Variants in ZC3H13 observed in about 807,000 individuals in gnomAD.
The protein encoded by ZC3H13 is zinc finger CCCH domain-containing protein 13.
In ZC3H13, 64 loss-of-function variants were observed where a neutral mutation model predicts 204.1. That is an observed-to-expected ratio of 0.31 (90% confidence interval 0.26 to 0.39). ZC3H13 has a LOEUF of 0.39. ZC3H13 is among the 10% of genes least tolerant of loss of function. The probability of loss-of-function intolerance (pLI) is 1.00; values close to 1 mark genes in which losing one functional copy is unlikely to be tolerated. For missense variants in ZC3H13, 1,833 were observed against 2,082.7 expected (o/e 0.88, Z 2.33); for synonymous variants, 667 against 693.7 (o/e 0.96, Z 0.60).
chr13:46,023,383 T>C (rs1004190388), intron 4 of ZC3H13, among the ~76,000 whole-genome samples: 1 of 152,190 alleles, frequency 6.6e-6, no homozygotes, highest in African/African-American at 2.4e-5. Flanking sequence ...CTACAATTTC[T>C]ACTGATTGGG....
Position 45,959,651 on chromosome 13 carries a change from C to G in ZC3H13, c.4676-5G>C, listed in dbSNP as rs1951532708. Reference sequence around the variant, plus strand: ...GTTCAAAGAGATTGTCTGCATCTTTCAAAAAAAAGTAAACATGCATTAAGT... The same window carrying G: ...GTTCAAAGAGATTGTCTGCATCTTTGAAAAAAAAGTAAACATGCATTAAGT... On this transcript the variant is annotated splice_region_variant and splice_polypyrimidine_tract_variant and intron_variant, in intron 17 of 18. Coordinates refer to ENST00000679008, the MANE Select transcript of ZC3H13 (RefSeq NM_001330564.2). 1 of 1,491,348 alleles carries G rather than the reference C, an allele frequency of 6.7e-7. No homozygotes were observed. The highest frequency in any genetic ancestry group is 1.4e-5 in the African/African-American group (1 of 69,196). The allele number at this position is 1,491,348 out of a possible 1,614,324, so 92.4% of individuals were successfully genotyped here. A position where few individuals can be genotyped will look rare whatever the true frequency, so the allele number is the denominator to read the frequency against.
At chr13:46,008,636 C>G (rs2041326005) in intron 7 of ZC3H13, among the ~76,000 whole-genome samples, 1 of 151,950 alleles carries the variant, frequency 6.6e-6, no homozygotes, top group Non-Finnish European at 1.5e-5. Flanking sequence ...ATAAACAGAA[C>G]AGATAAGACA....
At chr13:46,046,122 AAAAAC>A (rs998427874) in intron 1 of ZC3H13, among the ~76,000 whole-genome samples, 12 of 152,176 alleles carry the variant, frequency 7.9e-5, no homozygotes, top group Admixed American at 5.9e-4. Context: ...CCAGTAACAC[AAAAAC>A]AAAACAAAAC....
At chr13:46,039,385 C>A (rs1243928770) in intron 4 of ZC3H13, among the ~76,000 whole-genome samples, 8 of 152,152 alleles carry the variant, frequency 5.3e-5, no homozygotes, top group African/African-American at 1.9e-4. Context: ...AAGCTAAGTG[C>A]CATTTCAATA....
intron 1 of ZC3H13, among the ~76,000 whole-genome samples, chr13:46,048,886 T>C (rs1341752301): frequency 3.9e-5 from 6 of 151,958 alleles, no homozygotes; most frequent in Non-Finnish European, 7.4e-5. Flanking sequence ...ATCCCAGCAC[T>C]TTGGGAGGCC....
chr13:46,008,319 CAA>C (rs5803322), intron 7 of ZC3H13, among the ~76,000 whole-genome samples: 116 of 143,876 alleles, frequency 8.1e-4, no homozygotes, highest in East Asian at 8.0e-4. Context: ...TGTTATACTC[CAA>C]AAAAAAAAAA....
At position 45,969,419 on chromosome 13, in the gene ZC3H13, A is replaced by G. The variant is rs1335921618; in HGVS notation, c.3125T>C (p.Leu1042Ser). 2 of 1,613,926 alleles carry G rather than the reference A, an allele frequency of 1.2e-6. No individual in the cohort carries two copies. Among genetic ancestry groups the G allele is most frequent in the East Asian group, 4.5e-5 (2 of 44,862 alleles). The change falls in exon 14 of 19, where the codon TTG (leucine) becomes TCG (serine). Residue 1042 changes from leucine (L) to serine (S), a missense_variant. Around this residue, in one of 5 missense-constraint regions of ZC3H13, gnomAD observed 1,574 missense variants for 1,757.2 expected, o/e 0.90. Transcript: ENST00000679008. ...ATTCTTACCATTGCACATTTCAACC[A>G]ATTCCTCTTTAGTTGTTATAGGGGG... is the stretch of plus-strand genomic sequence containing the variant. ...RTPPITTKEE[L>S]VEMCNGKNGI...
intron 4 of ZC3H13, among the ~76,000 whole-genome samples, chr13:46,037,474 T>C (rs1214982879): frequency 2.0e-5 from 3 of 152,226 alleles, no homozygotes; most frequent in African/African-American, 7.2e-5. Context: ...ATATTCTTCC[T>C]GACTATATTT....
At chr13:46,033,913 T>C (rs1025494847) in intron 4 of ZC3H13, among the ~76,000 whole-genome samples, 16 of 152,166 alleles carry the variant, frequency 1.1e-4, no homozygotes, top group African/African-American at 3.6e-4. Flanking sequence ...GTATTTGCAA[T>C]ACATATATCT....
At chr13:45,985,226 A>G in intron 10 of ZC3H13, 71 bp downstream of exon 10, 2 of 1,367,914 alleles carry the variant, frequency 1.5e-6, no homozygotes, top group East Asian at 2.4e-5. Context: ...AAGAAACAAC[A>G]TATTAGAAAT....
At chr13:45,992,894 T>C (rs2040064796) in intron 8 of ZC3H13, among the ~76,000 whole-genome samples, 1 of 152,154 alleles carries the variant, frequency 6.6e-6, no homozygotes, top group Non-Finnish European at 1.5e-5. Context: ...GGAGGCAGCT[T>C]TCTACCTCTC....
chr13:46,007,913 T>C (rs1566269257), intron 7 of ZC3H13, among the ~76,000 whole-genome samples: 1 of 152,188 alleles, frequency 6.6e-6, no homozygotes, highest in Non-Finnish European at 1.5e-5. Context: ...TAATAAAAAC[T>C]AAGATTAAAA....
intron 4 of ZC3H13, among the ~76,000 whole-genome samples, chr13:46,029,440 T>C (rs1237386366): frequency 2.7e-5 from 4 of 150,368 alleles, no homozygotes; most frequent in Non-Finnish European, 5.9e-5. Flanking sequence ...TTTTTTTTTT[T>C]TTTTTTGAGA....
At chr13:45,980,556 T>C (rs1455228195) in intron 10 of ZC3H13, among the ~76,000 whole-genome samples, 1 of 152,206 alleles carries the variant, frequency 6.6e-6, no homozygotes, top group East Asian at 1.9e-4. Context: ...TTAAACAAAC[T>C]GTGGCACATG....
At chr13:45,990,321 A>C (rs1318141324) in intron 8 of ZC3H13, among the ~76,000 whole-genome samples, 1 of 152,206 alleles carries the variant, frequency 6.6e-6, no homozygotes, top group Non-Finnish European at 1.5e-5. Context: ...TGTTGTTTAT[A>C]AATGATGCCT....
intron 8 of ZC3H13, among the ~76,000 whole-genome samples, chr13:45,993,950 G>T (rs796368025): frequency 2.0e-5 from 3 of 152,154 alleles, no homozygotes; most frequent in South Asian, 4.1e-4. Context: ...TAATAATTTT[G>T]TTCAGATTTC....
intron 10 of ZC3H13, among the ~76,000 whole-genome samples, chr13:45,983,400 CTT>C (rs1491174329): frequency 3.2e-5 from 1 of 30,844 alleles, no homozygotes; most frequent in African/African-American, 2.4e-4. Flanking sequence ...GCCCCTTCTA[CTT>C]ATATATATAT....
intron 11 of ZC3H13, 131 bp downstream of exon 11, chr13:45,979,682 A>C: frequency 1.1e-6 from 1 of 870,198 alleles, no homozygotes; most frequent in Non-Finnish European, 1.7e-6. Flanking sequence ...TATATATAAT[A>C]GTTTCAAATG....
rs371480187 is a variant in ZC3H13 at position 45,967,485 on chromosome 13, C to T, written c.4321+19G>A. The T allele has an allele frequency of 2.0e-5, 31 of 1,521,330 alleles. No homozygotes were observed. The African/African-American group carries it at 2.8e-4, about 14-fold the overall frequency. The allele number at this position is 1,521,330 out of a possible 1,614,324, so 94.2% of individuals were successfully genotyped here. On this transcript the variant is annotated intron_variant, in intron 15 of 18. Transcript: ENST00000679008. ...AAAAGAAATAAAGCAGTATCACAGA[C>T]AACAGAGGTAGCACTCACCTTCCAG... is the stretch of plus-strand genomic sequence containing the variant.
Sources: gnomAD v4.1 joint callset for allele counts (sites outside exome capture counted in the v4.1 genomes callset) on GRCh38, gnomAD v4.1.1 for gene constraint, gnomAD v4.1.1 regional missense constraint, MANE v1.5 for transcripts, NCBI Gene and HGNC (gene_info 2026-07-23, HGNC 2026-07-21) for gene names.